The following ATF7IP variants were observed in gnomAD, a reference collection of about 807,000 sequenced individuals.
The protein encoded by ATF7IP is activating transcription factor 7-interacting protein 1.
Under a neutral mutation model 106.4 loss-of-function variants are expected in ATF7IP, and 23 were observed. That is an observed-to-expected ratio of 0.22 (90% confidence interval 0.16 to 0.31). ATF7IP has a LOEUF of 0.31. ATF7IP is among the 10% of genes least tolerant of loss of function. ATF7IP has a pLI of 1.00. For synonymous variants in ATF7IP, 542 were observed against 539.0 expected (o/e 1.01, Z -0.08); for missense variants, 1,334 against 1,524.3 (o/e 0.88, Z 2.08).
intron 4 of ATF7IP, among the ~76,000 whole-genome samples, chr12:14,437,230 C>G (rs574002337): frequency 2.6e-5 from 4 of 152,112 alleles, no homozygotes; most frequent in African/African-American, 9.7e-5. Context: ...TCGATGATAA[C>G]TAGTTTTTCA....
At chr12:14,375,162 T>G (rs1018727255) in intron 1 of ATF7IP, among the ~76,000 whole-genome samples, 1 of 151,958 alleles carries the variant, frequency 6.6e-6, no homozygotes, top group African/African-American at 2.4e-5. Flanking sequence ...GGGAATAAGA[T>G]ATTCTAATTA....
intron 13 of ATF7IP, among the ~76,000 whole-genome samples, chr12:14,483,565 A>C (rs1248482529): frequency 6.6e-6 from 1 of 152,180 alleles, no homozygotes; most frequent in Non-Finnish European, 1.5e-5. Flanking sequence ...GTAATGTCGC[A>C]GGAACAGGAA....
At chr12:14,426,848 AAAGG>A (rs1941876121) in intron 2 of ATF7IP, among the ~76,000 whole-genome samples, 5 of 101,030 alleles carry the variant, frequency 4.9e-5, no homozygotes, top group African/African-American at 1.8e-4. Flanking sequence ...AAAAAAAAAA[AAAGG>A]ATGGCTTTTT....
chr12:14,462,730 C>A (rs1013294523), intron 9 of ATF7IP, among the ~76,000 whole-genome samples: 2 of 151,916 alleles, frequency 1.3e-5, no homozygotes, highest in African/African-American at 4.8e-5. Context: ...TTTCATTTGA[C>A]TATTCTTAAC....
chr12:14,407,858 T>C (rs958514168), intron 1 of ATF7IP, among the ~76,000 whole-genome samples: 1 of 152,160 alleles, frequency 6.6e-6, no homozygotes, highest in African/African-American at 2.4e-5. Context: ...AAAAAAAGTA[T>C]AAGGCATACT....
intron 6 of ATF7IP, among the ~76,000 whole-genome samples, chr12:14,451,016 C>T (rs1943182202): frequency 6.6e-6 from 1 of 151,940 alleles, no homozygotes; most frequent in Non-Finnish European, 1.5e-5. Context: ...CTCAAGTGAG[C>T]CACCGCACCT....
At chr12:14,386,853 G>A (rs895577709) in intron 1 of ATF7IP, among the ~76,000 whole-genome samples, 3 of 152,108 alleles carry the variant, frequency 2.0e-5, no homozygotes, top group African/African-American at 7.2e-5. Context: ...TCTAGAATGT[G>A]TCTTCGTTAT....
intron 3 of ATF7IP, among the ~76,000 whole-genome samples, chr12:14,435,085 G>T (rs1942337898): frequency 6.6e-6 from 1 of 150,832 alleles, no homozygotes; most frequent in African/African-American, 2.4e-5. Flanking sequence ...GACACCTTGA[G>T]AGAGAGAGAG....
chr12:14,488,778 G>T (rs138407615), intron 13 of ATF7IP, among the ~76,000 whole-genome samples: 1 of 152,058 alleles, frequency 6.6e-6, no homozygotes, highest in African/African-American at 2.4e-5. Context: ...AACCAGAAGC[G>T]CACCAATCCC....
chr12:14,429,743 A>G (rs1942030772), intron 2 of ATF7IP, among the ~76,000 whole-genome samples: 1 of 152,152 alleles, frequency 6.6e-6, no homozygotes, highest in Non-Finnish European at 1.5e-5. Context: ...ATTCTTTATC[A>G]TCTCAATCCA....
intron 13 of ATF7IP, among the ~76,000 whole-genome samples, chr12:14,484,224 T>C (rs1411954382): frequency 6.6e-6 from 1 of 152,140 alleles, no homozygotes; most frequent in Non-Finnish European, 1.5e-5. Flanking sequence ...TCCATGTTGC[T>C]GAGCCCAGGC....
rs1555114233 is a variant in ATF7IP, at chr12:14,410,765, A to ATGTT, written c.-7-13143_-7-13142insGTTT. ...GTTAAATGTATGTATGTATGTATGTATAGGAAAAAACATAGTATATATAAG... is the reference window on the plus strand; with the variant it reads ...GTTAAATGTATGTATGTATGTATGTATGTTTAGGAAAAAACATAGTATATATAAG... On this transcript the variant is annotated intron_variant, in intron 1 of 14. Coordinates refer to ENST00000261168, the MANE Select transcript of ATF7IP (RefSeq NM_018179.5). Among the ~76,000 whole-genome samples, 1,234 of 152,174 alleles carry ATGTT rather than the reference A, an allele frequency of 8.1e-3. 30 individuals are homozygous for ATGTT. The highest frequency in any genetic ancestry group is 0.028 in the African/African-American group (1,181 of 41,504).
intron 1 of ATF7IP, among the ~76,000 whole-genome samples, chr12:14,381,026 T>G (rs182753773): frequency 1.2e-4 from 18 of 152,346 alleles, no homozygotes; most frequent in South Asian, 1.0e-3. Flanking sequence ...CTAAGGTATC[T>G]TTCTGCTTCT....
Position 14,436,166 on chromosome 12 carries a change from G to A in ATF7IP, c.1706G>A (p.Arg569His). ...SEDMDNVQSKRRRYMEEEYEA... is the reference protein window; with the variant it reads ...SEDMDNVQSKHRRYMEEEYEA... ...GACATGGACAATGTACAGTCTAAAC[G>A]TCGTCGATATATGGAAGAAGAATAT... The change falls in exon 4 of 15, where the codon CGT (arginine) becomes CAT (histidine). Residue 569 changes from arginine to histidine, a missense_variant. Around this residue, in one of 10 missense-constraint regions of ATF7IP, gnomAD observed 119 missense variants for 117.8 expected, o/e 1.01. Transcript: ENST00000261168. 6.2e-7 allele frequency: 1 copy of A among 1,613,626 alleles called. No homozygotes were observed.
intron 1 of ATF7IP, among the ~76,000 whole-genome samples, chr12:14,383,724 T>A (rs12315959): frequency 0.31 from 47,522 of 151,946 alleles, 9,022 homozygotes; most frequent in Admixed American, 0.46. Context: ...GCTAATGTTT[T>A]AAAAATTTTT....
intron 1 of ATF7IP, among the ~76,000 whole-genome samples, chr12:14,397,158 G>A (rs893002741): frequency 8.6e-5 from 13 of 151,966 alleles, no homozygotes; most frequent in African/African-American, 2.4e-4. Context: ...GCGAAACTCC[G>A]TCTCTAAAAA....
rs910341286 is a variant in ATF7IP, at chr12:14,460,745, G to C, written c.2409G>C (p.Gly803=). 6.2e-7 allele frequency: 1 copy of C among 1,614,162 alleles called. No homozygotes were observed. Among genetic ancestry groups the C allele is most frequent in the South Asian group, 1.1e-5 (1 of 91,084 alleles). ...CTCAGCTTCTACAGAGCCATCCAGG[G>C]ACTTTGGTGACTAATCAACCATCTG... ...SQPQLLQSHP[G]TLVTNQPSGN... The change falls in exon 9 of 15, where the codon GGG becomes GGC. Residue 803 remains glycine, a synonymous_variant. Transcript: ENST00000261168.
In ATF7IP at chr12:14,475,959, G is replaced by A. The variant is rs1464541439; in HGVS notation, c.2932G>A (p.Ala978Thr). 2 of 1,612,848 alleles carry A rather than the reference G, an allele frequency of 1.2e-6. No homozygotes were observed. Reference protein sequence around the residue: ...DLTMDDEESGASQDPKKLNHT... With the variant: ...DLTMDDEESGTSQDPKKLNHT... ...CACAATGGATGATGAAGAGAGTGGA[G>A]CTTCACAAGGTACTTCAATAGTAAT... is the stretch of plus-strand genomic sequence containing the variant. The change falls in exon 11 of 15, where the codon GCT becomes ACT. Residue 978 changes from alanine to threonine, a missense_variant. Physicochemically the swap from Ala to Thr is moderately conservative, Grantham distance 58. Around this residue, in one of 10 missense-constraint regions of ATF7IP, gnomAD observed 370 missense variants for 401.2 expected, o/e 0.92. Coordinates refer to ENST00000261168, the MANE Select transcript of ATF7IP (RefSeq NM_018179.5).
intron 1 of ATF7IP, among the ~76,000 whole-genome samples, chr12:14,419,713 A>T (rs2136531376): frequency 6.6e-6 from 1 of 152,290 alleles, no homozygotes; most frequent in East Asian, 1.9e-4. Context: ...TTAGTCTGTA[A>T]TTAAAAACCC....
Sources: gnomAD v4.1 joint callset for allele counts (sites outside exome capture counted in the v4.1 genomes callset) on GRCh38, gnomAD v4.1.1 for gene constraint, gnomAD v4.1.1 regional missense constraint, MANE v1.5 for transcripts, NCBI Gene and HGNC (gene_info 2026-07-23, HGNC 2026-07-21) for gene names.